Variants in WDR7 observed in about 807,000 individuals in gnomAD.
WDR7 encodes the protein WD repeat domain 7.
Under a neutral mutation model 169.4 loss-of-function variants are expected in WDR7, and 46 were observed. The observed-to-expected ratio is 0.27, with a 90% CI of 0.21 to 0.35. The LOEUF is 0.35. WDR7 is among the 10% of genes least tolerant of loss of function. The pLI, the probability that WDR7 is intolerant of heterozygous loss-of-function variation, is 1.00. For synonymous variants in WDR7, 612 were observed against 666.8 expected (o/e 0.92, Z 1.27); for missense variants, 1,534 against 1,859.3 (o/e 0.83, Z 3.22).
chr18:56,739,876 A>ATTTTTTTTTTTT (rs58692081), intron 14 of WDR7, among the ~76,000 whole-genome samples: 6 of 138,080 alleles, frequency 4.3e-5, no homozygotes, highest in Non-Finnish European at 6.2e-5. Context: ...CCTAGATGTG[A>ATTTTTTTTTTTT]TTTTTTTTTT....
At chr18:56,750,712 A>T (rs1195323628) in intron 14 of WDR7, among the ~76,000 whole-genome samples, 1 of 152,260 alleles carries the variant, frequency 6.6e-6, no homozygotes, top group African/African-American at 2.4e-5. Flanking sequence ...TGCTCTAGAC[A>T]TGAATATCTT....
intron 20 of WDR7, among the ~76,000 whole-genome samples, chr18:56,817,888 G>A (rs2045009056): frequency 6.6e-6 from 1 of 151,892 alleles, no homozygotes; most frequent in Admixed American, 6.6e-5. Flanking sequence ...ATAACTACAG[G>A]TGCATACCAC....
At chr18:56,908,523 A>T (rs973411763) in intron 21 of WDR7, among the ~76,000 whole-genome samples, 34 of 152,216 alleles carry the variant, frequency 2.2e-4, no homozygotes, top group Non-Finnish European at 1.5e-4. Context: ...AATATGACAT[A>T]CATTATTACT....
intron 15 of WDR7, among the ~76,000 whole-genome samples, chr18:56,758,024 A>G (rs760675901): frequency 2.0e-5 from 3 of 152,110 alleles, no homozygotes; most frequent in Non-Finnish European, 2.9e-5. Context: ...AACATATGTA[A>G]TGATTGACGT....
intron 22 of WDR7, among the ~76,000 whole-genome samples, chr18:56,935,049 G>A (rs1391901026): frequency 6.6e-6 from 1 of 152,088 alleles, no homozygotes; most frequent in Non-Finnish European, 1.5e-5. Flanking sequence ...AGTGAATATA[G>A]CATCACTCTC....
chr18:56,750,697 T>A (rs1344503318), intron 14 of WDR7, among the ~76,000 whole-genome samples: 1 of 152,224 alleles, frequency 6.6e-6, no homozygotes, highest in Non-Finnish European at 1.5e-5. Context: ...TTGAATGAAT[T>A]AGTGTGCTCT....
chr18:56,674,968 A>G (rs919465136), intron 2 of WDR7, among the ~76,000 whole-genome samples: 2 of 152,306 alleles, frequency 1.3e-5, no homozygotes, highest in South Asian at 2.1e-4. Flanking sequence ...CTTAAGAAAA[A>G]TCAATTGACC....
chr18:56,794,321 T>TTTTTTTTTTTTTTTTTTTG (rs2044546089), intron 19 of WDR7, among the ~76,000 whole-genome samples: 1 of 120,406 alleles, frequency 8.3e-6, no homozygotes, highest in Non-Finnish European at 1.8e-5. Context: ...TTTTTTTTTT[T>TTTTTTTTTTTTTTTTTTTG]TTTTTTGAGA....
chr18:57,023,056 C>A (rs722090), intron 27 of WDR7, among the ~76,000 whole-genome samples: 1 of 152,058 alleles, frequency 6.6e-6, no homozygotes, highest in Non-Finnish European at 1.5e-5. Flanking sequence ...TAACATACAG[C>A]CCATTTCTTC....
chr18:56,803,760 T>C (rs1343534953), intron 19 of WDR7, among the ~76,000 whole-genome samples: 1 of 152,238 alleles, frequency 6.6e-6, no homozygotes, highest in Admixed American at 6.5e-5. Flanking sequence ...TCAGGCACTG[T>C]GCTAAACTCA....
intron 6 of WDR7, 111 bp downstream of exon 6, chr18:56,686,143 AT>A (rs2025439401): frequency 2.3e-6 from 2 of 888,134 alleles, no homozygotes; most frequent in South Asian, 1.9e-5. Context: ...AAAAGTGATT[AT>A]TTTTTGATAA....
At chr18:56,768,707 A>G (rs917658526) in intron 16 of WDR7, among the ~76,000 whole-genome samples, 15 of 152,028 alleles carry the variant, frequency 9.9e-5, no homozygotes, top group Non-Finnish European at 1.9e-4. Context: ...TTTTCCTCTT[A>G]TGTTTTTTAT....
chr18:56,916,374 T>C (rs1347010592), intron 21 of WDR7, among the ~76,000 whole-genome samples: 5 of 151,996 alleles, frequency 3.3e-5, no homozygotes. Context: ...GGTGTTTGGT[T>C]TTCTGTCCTT....
intron 21 of WDR7, among the ~76,000 whole-genome samples, chr18:56,909,400 A>G (rs991235078): frequency 6.6e-6 from 1 of 152,138 alleles, no homozygotes; most frequent in African/African-American, 2.4e-5. Flanking sequence ...GTAATGTCAT[A>G]TTCTTCAGGT....
At chr18:56,874,947 G>A (rs1039497347) in intron 20 of WDR7, among the ~76,000 whole-genome samples, 1 of 151,928 alleles carries the variant, frequency 6.6e-6, no homozygotes, top group Admixed American at 6.6e-5. Flanking sequence ...CCTTACATAC[G>A]TTAAGCCACT....
At chr18:56,714,416 T>C (rs2469462) in intron 12 of WDR7, among the ~76,000 whole-genome samples, 132,820 of 151,026 alleles carry the variant, frequency 0.88, 60,864 homozygotes, top group Non-Finnish European at 1. Context: ...TTTACAGAGA[T>C]GGTATATCAT....
At chr18:56,754,402 TACACATATATACAC>T (rs151142421) in intron 14 of WDR7, among the ~76,000 whole-genome samples, 13,200 of 151,166 alleles carry the variant, frequency 0.087, 687 homozygotes, top group East Asian at 0.18. Flanking sequence ...CGTGTATATA[TACACATATATACAC>T]ACACAAATAT....
intron 22 of WDR7, among the ~76,000 whole-genome samples, chr18:56,928,606 A>C (rs1396482062): frequency 6.6e-6 from 1 of 152,206 alleles, no homozygotes; most frequent in Admixed American, 6.5e-5. Flanking sequence ...AGCACCTATC[A>C]CATAGCTAGC....
intron 1 of WDR7, among the ~76,000 whole-genome samples, chr18:56,665,457 TCTC>T (rs1016508848): frequency 8.7e-5 from 13 of 149,424 alleles, no homozygotes; most frequent in African/African-American, 3.2e-4. Context: ...CTCAGCCCAG[TCTC>T]CTCTTCCTAG....
Sources: allele counts gnomAD v4.1 joint callset (sites outside exome capture counted in the v4.1 genomes callset), GRCh38; gene constraint gnomAD v4.1.1; transcripts MANE v1.5; gene names NCBI Gene and HGNC (gene_info 2026-07-23, HGNC 2026-07-21).